The following CRACR2A variants were observed in gnomAD, a reference collection of about 807,000 sequenced individuals.
CRACR2A encodes calcium release activated channel regulator 2A.
In CRACR2A, 79 loss-of-function variants were observed where a neutral mutation model predicts 90.5. The ratio of observed to expected loss-of-function variants is 0.87; its 90% CI spans 0.73 to 1.05. The LOEUF is 1.05. Among genes scored for constraint, CRACR2A ranks in the 50% least tolerant of loss-of-function variants. The probability of loss-of-function intolerance (pLI) is 0.00; values close to 1 mark genes in which losing one functional copy is unlikely to be tolerated. For synonymous variants in CRACR2A, 338 were observed against 356.7 expected (o/e 0.95, Z 0.59); for missense variants, 823 against 897.2 (o/e 0.92, Z 1.06).
intron 2 of CRACR2A, among the ~76,000 whole-genome samples, chr12:3,719,837 G>A (rs1055525196): frequency 1.3e-5 from 2 of 152,082 alleles, no homozygotes; most frequent in African/African-American, 4.8e-5. Flanking sequence ...ATGGAAGGTG[G>A]CCAGGTACAG....
chr12:3,682,920 C>T (rs939833216), intron 4 of CRACR2A, among the ~76,000 whole-genome samples: 1 of 151,946 alleles, frequency 6.6e-6, no homozygotes, highest in Non-Finnish European at 1.5e-5. Flanking sequence ...GTAGCTGGGA[C>T]TACAAACGCC....
At chr12:3,639,457 A>AACACACACACAC (rs9300301) in intron 13 of CRACR2A, among the ~76,000 whole-genome samples, 109 of 139,512 alleles carry the variant, frequency 7.8e-4, no homozygotes, top group African/African-American at 9.5e-4. Context: ...CCAGAATTGA[A>AACACACACACAC]ACACACACAC....
intron 1 of CRACR2A, among the ~76,000 whole-genome samples, chr12:3,751,422 A>T (rs1365491759): frequency 1.3e-5 from 2 of 152,168 alleles, no homozygotes; most frequent in Admixed American, 1.3e-4. Context: ...TGTTCTTCTG[A>T]ACCCAGCTCC....
At chr12:3,704,159 C>T (rs1464741221) in intron 3 of CRACR2A, among the ~76,000 whole-genome samples, 1 of 152,050 alleles carries the variant, frequency 6.6e-6, no homozygotes, top group Non-Finnish European at 1.5e-5. Context: ...AAAACAATGA[C>T]CCAAATGTTC....
At chr12:3,692,573 G>T (rs1017906835) in intron 4 of CRACR2A, among the ~76,000 whole-genome samples, 1 of 152,152 alleles carries the variant, frequency 6.6e-6, no homozygotes, top group Non-Finnish European at 1.5e-5. Context: ...TCCAGTGGGT[G>T]GTGTCAGCCA....
At chr12:3,686,035 C>T (rs1945546761) in intron 4 of CRACR2A, among the ~76,000 whole-genome samples, 1 of 152,158 alleles carries the variant, frequency 6.6e-6, no homozygotes, top group Non-Finnish European at 1.5e-5. Context: ...TAAGCTCATT[C>T]AATTATCTTT....
At chr12:3,740,733 T>C (rs1591724649) in intron 1 of CRACR2A, among the ~76,000 whole-genome samples, 2 of 152,232 alleles carry the variant, frequency 1.3e-5, no homozygotes, top group South Asian at 4.1e-4. Flanking sequence ...TAACCCATTA[T>C]GGTTATTGAG....
intron 1 of CRACR2A, among the ~76,000 whole-genome samples, chr12:3,741,806 T>C (rs1004956018): frequency 2.6e-5 from 4 of 152,204 alleles, no homozygotes; most frequent in Non-Finnish European, 5.9e-5. Flanking sequence ...GGCAGGAGGA[T>C]AGGAGACATG....
chr12:3,672,087 T>C (rs950223892), intron 7 of CRACR2A, among the ~76,000 whole-genome samples: 1 of 152,184 alleles, frequency 6.6e-6, no homozygotes, highest in Non-Finnish European at 1.5e-5. Flanking sequence ...CCAGCCAAAC[T>C]ATGTTTCCTC....
chr12:3,681,663 A>C (rs866921179), intron 4 of CRACR2A, among the ~76,000 whole-genome samples: 1 of 152,244 alleles, frequency 6.6e-6, no homozygotes, highest in South Asian at 2.1e-4. Flanking sequence ...GAAGTGACTG[A>C]CAGCTGAAAA....
At position 3,666,631 on chromosome 12, in the gene CRACR2A, T is replaced by C. The variant is rs1384158745; in HGVS notation, c.671+6815A>G. Among the ~76,000 whole-genome samples, 6 of 152,262 alleles carry C rather than the reference T, an allele frequency of 3.9e-5. No homozygotes were observed. The East Asian group carries it at 9.6e-4, about 24-fold the overall frequency. On this transcript the variant is annotated intron_variant, in intron 7 of 19. Coordinates refer to ENST00000440314, the MANE Select transcript of CRACR2A (RefSeq NM_001144958.2). Reference sequence around the variant, plus strand: ...ATTAATTAACCTTCACAAAGTGTTTTGCACATGGCAAGTTAAGGTGCTACG... The same window carrying C: ...ATTAATTAACCTTCACAAAGTGTTTCGCACATGGCAAGTTAAGGTGCTACG...
At chr12:3,745,825 T>TAAAATAAAATAAAATAAAATAATAAAG (rs149739964) in intron 1 of CRACR2A, among the ~76,000 whole-genome samples, 1 of 100,486 alleles carries the variant, frequency 1.0e-5, no homozygotes, top group African/African-American at 4.0e-5. Context: ...TAAAATAAAA[T>TAAAATAAAATAAAATAAAATAATAAAG]AAAGAAAGAA....
intron 17 of CRACR2A, among the ~76,000 whole-genome samples, chr12:3,620,284 T>C (rs1944107138): frequency 6.6e-6 from 1 of 152,230 alleles, no homozygotes; most frequent in African/African-American, 2.4e-5. Flanking sequence ...AATATTTAAT[T>C]AGGGGCTTTT....
intron 1 of CRACR2A, among the ~76,000 whole-genome samples, chr12:3,745,635 ATGG>A (rs1030648864): frequency 2.6e-5 from 4 of 151,734 alleles, no homozygotes; most frequent in Non-Finnish European, 5.9e-5. Flanking sequence ...TTAGCCAGGC[ATGG>A]TGGTGCATGC....
In CRACR2A at chr12:3,655,344, C is replaced by T. The variant is rs538747546; in HGVS notation, c.859-945G>A. ...GATGGGGAAATGGGGAGGCAGCTGG[C>T]AGTTCCCGGAGTAGAAATCATCTTG... On this transcript the variant is annotated intron_variant, in intron 9 of 19. Transcript: ENST00000440314. Among the ~76,000 whole-genome samples, 404 of 152,316 alleles carry T rather than the reference C, an allele frequency of 2.7e-3. 2 individuals carry two copies. The highest frequency in any genetic ancestry group is 3.6e-3 in the Non-Finnish European group (245 of 68,020).
At chr12:3,644,715 T>C in intron 11 of CRACR2A, 75 bp from the exon 12 acceptor site, 3 of 1,342,740 alleles carry the variant, frequency 2.2e-6, no homozygotes, top group Middle Eastern at 1.8e-4. Flanking sequence ...CAATTTGCTA[T>C]TCAGATGGGT....
rs1565493453 is a variant in CRACR2A, at chr12:3,697,046, A to G, written c.-36-11T>C. The G allele has an allele frequency of 6.5e-7, 1 of 1,550,368 alleles. No homozygotes were observed. The highest frequency in any genetic ancestry group is 2.0e-5 in the Admixed American group (1 of 51,138). The stretch of plus-strand genomic sequence containing the variant: ...AGTCTTTTTCAGAACCTGAACATAG[A>G]AAATGGGAGAGAGAAGTGGGTGTGG... On this transcript the variant is annotated splice_polypyrimidine_tract_variant and intron_variant, in intron 3 of 19. Coordinates refer to ENST00000440314, the MANE Select transcript of CRACR2A (RefSeq NM_001144958.2).
At position 3,636,567 on chromosome 12, in the gene CRACR2A, C is replaced by T. The variant is rs373475675; in HGVS notation, c.1602+1557G>A. ...TAGCGGTGAGGATAAAATGCCATAG[C>T]AGATGTCTGAGCAGACGCTTAAGCC... On this transcript the variant is annotated intron_variant, in intron 14 of 19. Coordinates refer to ENST00000440314, the MANE Select transcript of CRACR2A (RefSeq NM_001144958.2). Among the ~76,000 whole-genome samples the T allele has an allele frequency of 9.3e-4, 141 of 152,372 alleles. 4 individuals are homozygous for T. The South Asian group carries it at 0.028, about 30-fold the overall frequency.
intron 3 of CRACR2A, among the ~76,000 whole-genome samples, chr12:3,704,701 TTCTG>T (rs1466094597): frequency 6.6e-6 from 1 of 152,194 alleles, no homozygotes; most frequent in Admixed American, 6.5e-5. Context: ...AGGAGCCTGA[TTCTG>T]TCTTTTACAT....
Sources: allele counts gnomAD v4.1 joint callset (sites outside exome capture counted in the v4.1 genomes callset), GRCh38; gene constraint gnomAD v4.1.1; transcripts MANE v1.5; gene names NCBI Gene and HGNC (gene_info 2026-07-23, HGNC 2026-07-21).